The following ARSK variants were observed in gnomAD, a reference collection of about 807,000 sequenced individuals.
ARSK encodes arylsulfatase family member K, also known as arylsulfatase K.
In ARSK, 37 loss-of-function variants were observed where a neutral mutation model predicts 53.2. The observed-to-expected ratio is 0.70, with a 90% CI of 0.54 to 0.92. The LOEUF is 0.92. Among genes scored for constraint, ARSK ranks in the 40% least tolerant of loss-of-function variants. The pLI is 0.00. For synonymous variants in ARSK, 208 were observed against 223.2 expected, an observed-to-expected ratio of 0.93 and a Z score of 0.61; for missense variants, 613 against 643.0, an observed-to-expected ratio of 0.95 and a Z score of 0.51.
intron 6 of ARSK, among the ~76,000 whole-genome samples, chr5:95,596,909 A>C (rs1489007629): frequency 6.6e-6 from 1 of 152,048 alleles, no homozygotes; most frequent in Non-Finnish European, 1.5e-5. Context: ...TGCTTAGTTT[A>C]TTTGTGCTTT....
intron 3 of ARSK, among the ~76,000 whole-genome samples, chr5:95,570,528 G>C (rs529477089): frequency 3.6e-4 from 55 of 152,160 alleles, no homozygotes; most frequent in Non-Finnish European, 6.6e-4. Flanking sequence ...TTGAGTGTCA[G>C]TGTTCTGTAA....
At chr5:95,591,036 C>G (rs143636675) in intron 5 of ARSK, among the ~76,000 whole-genome samples, 4 of 152,152 alleles carry the variant, frequency 2.6e-5, no homozygotes, top group Non-Finnish European at 2.9e-5. Context: ...TTTTTATCAT[C>G]TGAGACATGT....
chr5:95,583,180 T>C lies in ARSK; in HGVS notation c.681T>C (p.Ser227=). 6.4e-7 allele frequency: 1 copy of C among 1,574,160 alleles called. No individual in the cohort carries two copies. Among genetic ancestry groups the C allele is most frequent in the Non-Finnish European group, 8.7e-7 (1 of 1,155,236 alleles). The change falls in exon 4 of 8, where the codon TCT becomes TCC. Residue 227 remains serine (S), a synonymous_variant. Transcript: ENST00000380009. ...ENFGSSTFHT[S]LYWLEKVSHD... ...TTGGATCTTCAACATTTCACACATCTCTTTATTGGCTTGAAAAAGTAAGTA... is the reference window on the plus strand; with the variant it reads ...TTGGATCTTCAACATTTCACACATCCCTTTATTGGCTTGAAAAAGTAAGTA...
chr5:95,569,860 C>T (rs1748795594), intron 3 of ARSK, among the ~76,000 whole-genome samples: 1 of 152,164 alleles, frequency 6.6e-6, no homozygotes, highest in South Asian at 2.1e-4. Flanking sequence ...CTTTTCTGTC[C>T]TCCAAAATCT....
intron 3 of ARSK, among the ~76,000 whole-genome samples, chr5:95,576,101 A>G (rs72781495): frequency 3.8e-4 from 58 of 151,282 alleles, no homozygotes; most frequent in Non-Finnish European, 7.7e-4. Flanking sequence ...TCATAAAGGG[A>G]TGTTGAATTT....
intron 6 of ARSK, among the ~76,000 whole-genome samples, chr5:95,599,395 T>C (rs1314702108): frequency 6.6e-6 from 1 of 152,186 alleles, no homozygotes; most frequent in African/African-American, 2.4e-5. Flanking sequence ...TCTTAAAGAC[T>C]ACTTCTCTCT....
intron 3 of ARSK, among the ~76,000 whole-genome samples, chr5:95,576,909 A>C (rs1748934139): frequency 6.6e-6 from 1 of 152,162 alleles, no homozygotes; most frequent in African/African-American, 2.4e-5. Flanking sequence ...AATTCTGTAA[A>C]TAGGGATGAT....
chr5:95,555,397 A>T lies in ARSK; in HGVS notation c.119A>T (p.Asp40Val). 1 of 1,570,774 alleles carries T rather than the reference A, an allele frequency of 6.4e-7. No homozygotes were observed. The highest frequency in any genetic ancestry group is 1.8e-5 in the Admixed American group (1 of 57,128). The change falls in exon 1 of 8, where the codon GAC becomes GTC. Residue 40 changes from aspartate to valine, a missense_variant. Physicochemically the swap from Asp to Val is radical, Grantham distance 152. Transcript: ENST00000380009. The surrounding 1 kb of genome is among the most constrained non-coding windows in gnomAD (Gnocchi z 4.0). ...CCCAATGTGGTGCTGGTCGTGAGCG[A>T]CTCCTTCGTAAGTACCGCGAGGCAG... is the stretch of plus-strand genomic sequence containing the variant. ...KAPNVVLVVSDSFDGRLTFHP... is the reference protein window; with the variant it reads ...KAPNVVLVVSVSFDGRLTFHP...
At chr5:95,597,916 G>T (rs1298896016) in intron 6 of ARSK, among the ~76,000 whole-genome samples, 3 of 146,252 alleles carry the variant, frequency 2.1e-5, no homozygotes, top group African/African-American at 7.6e-5. Context: ...TGGGGGGCGG[G>T]TAATAGTGGC....
At chr5:95,556,421 A>G (rs1443345084) in intron 1 of ARSK, 1 of 584,642 alleles carries the variant, frequency 1.7e-6, no homozygotes, top group African/African-American at 1.9e-5. Flanking sequence ...CATCTTATGA[A>G]TGACAGTTCT....
intron 7 of ARSK, 91 bp downstream of exon 7, chr5:95,601,162 A>C: frequency 8.5e-7 from 1 of 1,171,390 alleles, no homozygotes; most frequent in Non-Finnish European, 1.2e-6. Flanking sequence ...ATCCTTGTTA[A>C]ATAAATGAAT....
Position 95,574,179 on chromosome 5 carries a change from C to T in ARSK, c.416+6130C>T, listed in dbSNP as rs529766736. 3.9e-5 allele frequency among the ~76,000 whole-genome samples: 6 copies of T among 152,258 alleles called. No homozygotes were observed. The South Asian group carries it at 1.0e-3, about 26-fold the overall frequency. On this transcript the variant is annotated intron_variant, in intron 3 of 7. Coordinates refer to ENST00000380009, the MANE Select transcript of ARSK (RefSeq NM_198150.3). ...CATGTTGTTGCAAATTACTGGATCT[C>T]ATTCTTTTTTATAGCTGAATAGTAC...
At chr5:95,594,932 G>A (rs949728165) in intron 6 of ARSK, among the ~76,000 whole-genome samples, 8 of 152,072 alleles carry the variant, frequency 5.3e-5, no homozygotes, top group East Asian at 1.9e-4. Flanking sequence ...CAAATGTGAC[G>A]TTACATTTCA....
intron 2 of ARSK, 72 bp from the exon 3 acceptor site, chr5:95,567,818 C>T: frequency 6.9e-7 from 1 of 1,448,042 alleles, no homozygotes; most frequent in Non-Finnish European, 9.3e-7. Context: ...ACTGCTCTCT[C>T]AGAGTAATTG....
At position 95,603,517 on chromosome 5, in the gene ARSK, A is replaced by G. The variant is rs768332244; in HGVS notation, c.1602A>G (p.Arg534=). Residue 534 remains arginine, a synonymous_variant, in exon 8 of 8, where the codon AGA becomes AGG. Transcript: ENST00000380009. ...DQWLKTHMNP[R]AV ...GGCTTAAAACCCATATGAATCCAAG[A>G]GCAGTTTGAACAAAAAGTTTAAAAA... is the stretch of plus-strand genomic sequence containing the variant. The G allele has an allele frequency of 2.5e-6, 4 of 1,592,514 alleles. No homozygotes were observed. The Admixed American group carries it at 5.5e-5, about 22-fold the overall frequency.
At chr5:95,588,107 A>G (rs1000099574) in intron 5 of ARSK, among the ~76,000 whole-genome samples, 2 of 152,134 alleles carry the variant, frequency 1.3e-5, no homozygotes, top group Non-Finnish European at 2.9e-5. Flanking sequence ...ATTCATCTGT[A>G]TCTAATAAAA....
At chr5:95,565,778 A>G (rs1017580510) in intron 1 of ARSK, among the ~76,000 whole-genome samples, 19 of 152,108 alleles carry the variant, frequency 1.2e-4, no homozygotes, top group African/African-American at 4.3e-4. Flanking sequence ...GAAGTCCTTT[A>G]TTTACTGTAG....
rs746201423 is a variant in ARSK at position 95,555,421 on chromosome 5, A to G, written c.126+17A>G. On this transcript the variant is annotated intron_variant, in intron 1 of 7. Transcript: ENST00000380009. This position sits in a 1 kb window ranked among gnomAD's most constrained non-coding sequence, Gnocchi z 4.0. ...GACTCCTTCGTAAGTACCGCGAGGCAGGGGAGGGGCGCCCCGCTGGGGATC... is the reference window on the plus strand; with the variant it reads ...GACTCCTTCGTAAGTACCGCGAGGCGGGGGAGGGGCGCCCCGCTGGGGATC... 3.7e-5 allele frequency: 59 copies of G among 1,587,784 alleles called. No homozygotes were observed. Among genetic ancestry groups the G allele is most frequent in the Non-Finnish European group, 4.9e-5 (57 of 1,164,584 alleles).
chr5:95,597,904 AG>A (rs141473280), intron 6 of ARSK, among the ~76,000 whole-genome samples: 6,464 of 136,446 alleles, frequency 0.047, 651 homozygotes, highest in African/African-American at 0.17. Context: ...AAAAAAAAAA[AG>A]TGGGGGGCGG....
Sources: allele counts gnomAD v4.1 joint callset (sites outside exome capture counted in the v4.1 genomes callset), GRCh38; gene constraint gnomAD v4.1.1; non-coding constraint Gnocchi (gnomAD v3.1); transcripts MANE v1.5; gene names NCBI Gene and HGNC (gene_info 2026-07-23, HGNC 2026-07-21).